Variants in STPG2 observed in about 807,000 individuals in gnomAD.
The protein encoded by STPG2 is sperm tail PG-rich repeat containing 2.
In STPG2, 56 loss-of-function variants were observed where a neutral mutation model predicts 54.2. The ratio of observed to expected loss-of-function variants is 1.03; its 90% CI spans 0.83 to 1.29. The LOEUF (loss-of-function observed/expected upper bound fraction) is 1.29, where lower values mean the gene tolerates loss of function less well. Among genes scored for constraint, STPG2 ranks in the 50% most tolerant of loss-of-function variants. The pLI, the probability that STPG2 is intolerant of heterozygous loss-of-function variation, is 0.00. For missense variants in STPG2, 596 were observed against 544.9 expected, an observed-to-expected ratio of 1.09 and a Z score of -0.93; for synonymous variants, 200 against 181.8, an observed-to-expected ratio of 1.10 and a Z score of -0.81.
chr4:97,912,224 AC>A (rs1453292270), intron 8 of STPG2, among the ~76,000 whole-genome samples: 1 of 152,212 alleles, frequency 6.6e-6, no homozygotes, highest in African/African-American at 2.4e-5. Context: ...AAAAATCAAC[AC>A]AAAAACACTG....
At chr4:97,753,649 G>A (rs116027502) in intron 9 of STPG2, among the ~76,000 whole-genome samples, 4,638 of 152,068 alleles carry the variant, frequency 0.03, 90 homozygotes, top group Non-Finnish European at 0.049. Context: ...AGTAATGCAC[G>A]AGGGTTTCAA....
intron 8 of STPG2, among the ~76,000 whole-genome samples, chr4:97,899,284 C>T (rs1731080081): frequency 6.6e-6 from 1 of 151,796 alleles, no homozygotes; most frequent in Non-Finnish European, 1.5e-5. Context: ...AATATCTCTA[C>T]AATGAGAGTT....
At chr4:97,988,852 G>A (rs937588575) in intron 5 of STPG2, among the ~76,000 whole-genome samples, 6 of 152,146 alleles carry the variant, frequency 3.9e-5, no homozygotes, top group Admixed American at 6.6e-5. Flanking sequence ...GAGCTCAAGC[G>A]ATCTGCCCGC....
intron 8 of STPG2, among the ~76,000 whole-genome samples, chr4:97,922,797 T>A (rs1279114016): frequency 6.6e-6 from 1 of 152,202 alleles, no homozygotes; most frequent in Admixed American, 6.5e-5. Context: ...TTCCTTCCCA[T>A]AATTGCAATT....
intron 9 of STPG2, among the ~76,000 whole-genome samples, chr4:97,761,298 T>C (rs1278544559): frequency 6.6e-6 from 1 of 152,118 alleles, no homozygotes; most frequent in Non-Finnish European, 1.5e-5. Context: ...CCAATATGAC[T>C]GGTGTTCTTA....
intron 10 of STPG2, among the ~76,000 whole-genome samples, chr4:97,602,919 A>C (rs551808706): frequency 3.6e-4 from 54 of 151,870 alleles, no homozygotes; most frequent in Non-Finnish European, 5.0e-4. Context: ...CATCATCTAG[A>C]CATAACCAAT....
intron 10 of STPG2, among the ~76,000 whole-genome samples, chr4:97,654,228 A>T (rs1176551953): frequency 1.3e-5 from 2 of 152,154 alleles, no homozygotes; most frequent in African/African-American, 4.8e-5. Flanking sequence ...AATATATATT[A>T]AAAATGCACA....
chr4:97,768,547 G>A (rs1323147859), intron 9 of STPG2, among the ~76,000 whole-genome samples: 2 of 152,162 alleles, frequency 1.3e-5, no homozygotes, highest in Non-Finnish European at 2.9e-5. Flanking sequence ...GTGCACATGT[G>A]CAATTGTGCT....
chr4:97,538,502 C>T (rs572082714), intron 4 of STPG2, among the ~76,000 whole-genome samples: 34 of 152,084 alleles, frequency 2.2e-4, no homozygotes, highest in South Asian at 6.2e-4. Context: ...AAAAAGAATA[C>T]GAAGAAATGA....
At chr4:97,763,379 T>C (rs955868288) in intron 9 of STPG2, among the ~76,000 whole-genome samples, 1 of 152,166 alleles carries the variant, frequency 6.6e-6, no homozygotes, top group African/African-American at 2.4e-5. Flanking sequence ...GCTAGAAGTC[T>C]ACAAAACAAG....
chr4:97,473,310 ATTCTTT>A (rs1458512596), intron 4 of STPG2, among the ~76,000 whole-genome samples: 1 of 152,182 alleles, frequency 6.6e-6, no homozygotes, highest in African/African-American at 2.4e-5. Flanking sequence ...ATATCGCTGA[ATTCTTT>A]TTCTCAGCAA....
In STPG2 at chr4:97,943,827, T is replaced by A. The variant is rs146023525; in HGVS notation, c.1044+70A>T. ...TTACCTCACTCAGGTCCTAATATAA[T>A]GTTTATGTTATGCAGCCTCCTCCAT... On this transcript the variant is annotated intron_variant, in intron 8 of 10. Coordinates refer to ENST00000295268, the MANE Select transcript of STPG2 (RefSeq NM_174952.3). The A allele has an allele frequency of 2.6e-5, 31 of 1,180,586 alleles. No homozygotes were observed. In the African/African-American group the frequency reaches 4.8e-4, roughly 18 times the overall value. The allele number at this position is 1,180,586 out of a possible 1,614,324, so 73.1% of individuals were successfully genotyped here. A position where few individuals can be genotyped will look rare whatever the true frequency, so the allele number is the denominator to read the frequency against.
At chr4:97,848,949 G>T (rs1250998012) in intron 8 of STPG2, among the ~76,000 whole-genome samples, 2 of 149,484 alleles carry the variant, frequency 1.3e-5, no homozygotes, top group African/African-American at 5.0e-5. Flanking sequence ...CTCCAGCTTT[G>T]TTCTTTTGGC....
chr4:97,854,423 CTACT>C (rs1336397402), intron 8 of STPG2, among the ~76,000 whole-genome samples: 7 of 149,250 alleles, frequency 4.7e-5, no homozygotes, highest in African/African-American at 1.5e-4. Context: ...TAGATAAGCA[CTACT>C]TAAACTTTAG....
At chr4:97,854,926 C>T (rs1295882355) in intron 8 of STPG2, among the ~76,000 whole-genome samples, 3 of 152,138 alleles carry the variant, frequency 2.0e-5, no homozygotes, top group African/African-American at 7.2e-5. Context: ...AACAAGGCCC[C>T]AGTGTGTGTT....
At chr4:97,539,947 T>C (rs1301016259) in intron 4 of STPG2, among the ~76,000 whole-genome samples, 1 of 152,146 alleles carries the variant, frequency 6.6e-6, no homozygotes, top group Admixed American at 6.5e-5. Flanking sequence ...AGACACAACA[T>C]ACCAGAATCT....
intron 4 of STPG2, among the ~76,000 whole-genome samples, chr4:97,517,369 G>A (rs1731096360): frequency 6.6e-6 from 1 of 152,080 alleles, no homozygotes; most frequent in Non-Finnish European, 1.5e-5. Flanking sequence ...CTTCTAATTT[G>A]TTCTGGACAT....
At chr4:97,904,095 A>G (rs1159774438) in intron 8 of STPG2, among the ~76,000 whole-genome samples, 1 of 152,212 alleles carries the variant, frequency 6.6e-6, no homozygotes, top group Admixed American at 6.5e-5. Flanking sequence ...GGTGGAGCCC[A>G]CCACAGCTGA....
intron 9 of STPG2, among the ~76,000 whole-genome samples, chr4:97,713,102 T>C (rs941750767): frequency 3.3e-5 from 5 of 152,182 alleles, no homozygotes; most frequent in Admixed American, 1.3e-4. Flanking sequence ...TGAAGATGCT[T>C]AACTCTTATA....
Sources: allele counts gnomAD v4.1 joint callset (sites outside exome capture counted in the v4.1 genomes callset), GRCh38; gene constraint gnomAD v4.1.1; transcripts MANE v1.5; gene names NCBI Gene and HGNC (gene_info 2026-07-23, HGNC 2026-07-21).